The following SLC24A2 variants were observed in gnomAD, a reference collection of about 807,000 sequenced individuals.
SLC24A2 encodes sodium/potassium/calcium exchanger 2.
SLC24A2 carries 36 observed loss-of-function variants against 62.0 expected under a neutral mutation model. The observed-to-expected ratio is 0.58, with a 90% CI of 0.44 to 0.77. The LOEUF is 0.77. Among genes scored for constraint, SLC24A2 ranks in the 30% least tolerant of loss-of-function variants. The pLI is 0.00. For synonymous variants in SLC24A2, 358 were observed against 294.0 expected (o/e 1.22, Z -2.23); for missense variants, 846 against 817.9 (o/e 1.03, Z -0.42).
chr9:19,572,669 A>G (rs984684489), intron 7 of SLC24A2, among the ~76,000 whole-genome samples: 2 of 152,206 alleles, frequency 1.3e-5, no homozygotes. Flanking sequence ...TCTTTTCTTC[A>G]TAAGTTCTCT....
chr9:19,825,521 G>A, the SLC24A2 span, among the ~76,000 whole-genome samples: 5 of 151,998 alleles, frequency 3.3e-5, no homozygotes, highest in African/African-American at 1.2e-4. Flanking sequence ...TGGGATATAG[G>A]GTCTAACTGA....
At chr9:19,561,436 C>CTTTT (rs10641024) in intron 7 of SLC24A2, among the ~76,000 whole-genome samples, 14,105 of 137,972 alleles carry the variant, frequency 0.1, 847 homozygotes, top group African/African-American at 0.13. Context: ...GGAAAACAGA[C>CTTTT]TTTTTTTTTT....
intron 2 of SLC24A2, among the ~76,000 whole-genome samples, chr9:19,745,662 T>C (rs1238316335): frequency 1.3e-5 from 2 of 152,156 alleles, no homozygotes; most frequent in African/African-American, 4.8e-5. Flanking sequence ...CCTCTGAATT[T>C]TGCCCCACAG....
the SLC24A2 span, among the ~76,000 whole-genome samples, chr9:19,838,432 AG>A: frequency 6.6e-6 from 1 of 150,588 alleles, no homozygotes; most frequent in Non-Finnish European, 1.5e-5. Context: ...GATGGATTAA[AG>A]ACTTAAATGT....
chr9:19,721,852 C>T (rs747489381), intron 2 of SLC24A2, among the ~76,000 whole-genome samples: 24 of 152,034 alleles, frequency 1.6e-4, no homozygotes, highest in Non-Finnish European at 3.1e-4. Flanking sequence ...ATAGAGAAAA[C>T]GTTGTCATTA....
the SLC24A2 span, among the ~76,000 whole-genome samples, chr9:19,964,556 G>A: frequency 2.8e-4 from 43 of 152,284 alleles, no homozygotes; most frequent in African/African-American, 9.9e-4. Context: ...GAGAGGAGAT[G>A]GCACTGGACC....
chr9:19,592,529 CCTACCTACCTACCTAT>C lies in SLC24A2; in HGVS notation c.1129+4684_1129+4699del, dbSNP rs1587006118. On this transcript the variant is annotated intron_variant, in intron 5 of 10. Transcript: ENST00000341998. ...ACCTACCTACCTACCTACCTACCTA[CCTACCTACCTACCTAT>C]CTACCTATCTACCTACATGTCTCTG... 7.4e-5 allele frequency among the ~76,000 whole-genome samples: 11 copies of C among 148,922 alleles called. No individual in the cohort carries two copies. In the East Asian group the frequency reaches 1.2e-3, roughly 16 times the overall value.
chr9:19,997,210 T>TTGG, the SLC24A2 span, among the ~76,000 whole-genome samples: 1 of 152,180 alleles, frequency 6.6e-6, no homozygotes, highest in African/African-American at 2.4e-5. Context: ...GAATCTGGTC[T>TTGG]TGGTGCTAGA....
chr9:19,864,634 A>G, the SLC24A2 span, among the ~76,000 whole-genome samples: 1 of 152,050 alleles, frequency 6.6e-6, no homozygotes, highest in African/African-American at 2.4e-5. Flanking sequence ...GTAAAATTCA[A>G]CATCCCTTCA....
Position 19,513,162 on chromosome 9 carries a change from A to ATATATATATATG in SLC24A2, c.*2990_*2991insCATATATATATA, listed in dbSNP as rs1832784241. On this transcript the variant is annotated 3_prime_UTR_variant, in exon 11 of 11. Coordinates refer to ENST00000341998, the MANE Select transcript of SLC24A2 (RefSeq NM_020344.4). ...ATAGATCTGGTATAAAGATATATATATATATATATATATGTATATATATAT... is the reference window on the plus strand; with the variant it reads ...ATAGATCTGGTATAAAGATATATATATATATATATATGTATATATATATATGTATATATATAT... The ATATATATATATG allele has an allele frequency of 8.3e-5, 5 of 60,502 alleles. No homozygotes were observed. Among genetic ancestry groups the ATATATATATATG allele is most frequent in the African/African-American group, 3.1e-4 (5 of 16,094 alleles). 3.7% of individuals were successfully genotyped at this position (60,502 alleles called of 1,614,324 possible).
the SLC24A2 span, among the ~76,000 whole-genome samples, chr9:19,978,110 C>G: frequency 6.6e-6 from 1 of 152,248 alleles, no homozygotes; most frequent in African/African-American, 2.4e-5. Flanking sequence ...AAGAGATTTT[C>G]TATACTCTTG....
chr9:19,704,345 T>A (rs1820444028), intron 2 of SLC24A2, among the ~76,000 whole-genome samples: 1 of 152,070 alleles, frequency 6.6e-6, no homozygotes, highest in Admixed American at 6.6e-5. Flanking sequence ...ATTGGTAAAT[T>A]TTAAAAAATA....
At chr9:19,873,536 C>CTTTCTTTCTTTCTTTCTTTCTTTCTT in the SLC24A2 span, among the ~76,000 whole-genome samples, 1,714 of 137,070 alleles carry the variant, frequency 0.013, 28 homozygotes, top group East Asian at 0.034. Context: ...TCCTTTCTTT[C>CTTTCTTTCTTTCTTTCTTTCTTTCTT]TCTTTCTTTC....
the SLC24A2 span, among the ~76,000 whole-genome samples, chr9:20,091,317 A>G: frequency 6.6e-6 from 1 of 152,114 alleles, no homozygotes; most frequent in Non-Finnish European, 1.5e-5. Context: ...CCCCAACCCC[A>G]CTGGAGAGGC....
chr9:19,922,063 C>T, the SLC24A2 span, among the ~76,000 whole-genome samples: 4 of 152,122 alleles, frequency 2.6e-5, no homozygotes, highest in South Asian at 4.1e-4. Flanking sequence ...TTTGCATGTA[C>T]GTCCTTCTCC....
chr9:19,939,971 C>T, the SLC24A2 span, among the ~76,000 whole-genome samples: 1 of 152,248 alleles, frequency 6.6e-6, no homozygotes, highest in Non-Finnish European at 1.5e-5. Flanking sequence ...TTTCTCCACC[C>T]CAGGCTTTAA....
At chr9:20,274,671 G>C in the SLC24A2 span, among the ~76,000 whole-genome samples, 11 of 152,252 alleles carry the variant, frequency 7.2e-5, no homozygotes, top group African/African-American at 2.2e-4. Context: ...GGAGGGCTAG[G>C]CCTCCTGCCT....
At chr9:20,287,453 T>A in the SLC24A2 span, among the ~76,000 whole-genome samples, 1 of 152,114 alleles carries the variant, frequency 6.6e-6, no homozygotes, top group African/African-American at 2.4e-5. Flanking sequence ...TGGGGTGAGG[T>A]GGGGTGGGTT....
At chr9:20,186,788 GAGTA>G in the SLC24A2 span, among the ~76,000 whole-genome samples, 1 of 152,178 alleles carries the variant, frequency 6.6e-6, no homozygotes, top group Non-Finnish European at 1.5e-5. Context: ...GCCTGGCACA[GAGTA>G]AGTATTTAAT....
Sources: gnomAD v4.1 joint callset for allele counts (sites outside exome capture counted in the v4.1 genomes callset) on GRCh38, gnomAD v4.1.1 for gene constraint, MANE v1.5 for transcripts, NCBI Gene and HGNC (gene_info 2026-07-23, HGNC 2026-07-21) for gene names.